The following MAP3K11 variants were observed in gnomAD, a reference collection of about 807,000 sequenced individuals.
MAP3K11 encodes mitogen-activated protein kinase kinase kinase 11.
Under a neutral mutation model 84.9 loss-of-function variants are expected in MAP3K11, and 46 were observed. The ratio of observed to expected loss-of-function variants is 0.54; its 90% CI spans 0.43 to 0.69. The LOEUF (loss-of-function observed/expected upper bound fraction) is 0.69. Ranked by LOEUF, MAP3K11 falls within the 30% of genes least tolerant of loss-of-function variation. MAP3K11 has a pLI of 0.00. For synonymous variants in MAP3K11, 527 were observed against 514.7 expected, an observed-to-expected ratio of 1.02 and a Z score of -0.32; for missense variants, 1,053 against 1,198.3, an observed-to-expected ratio of 0.88 and a Z score of 1.79.
intron 8 of MAP3K11, 96 bp downstream of exon 8, chr11:65,605,665 A>G (rs1009628293): frequency 2.4e-6 from 2 of 829,478 alleles, no homozygotes; most frequent in Non-Finnish European, 3.8e-6. Flanking sequence ...CAACCAGGGC[A>G]GGACTCCTGC....
Position 65,598,174 on chromosome 11 carries a change from G to C in MAP3K11, c.*117C>G. 3 of 863,826 alleles carry C rather than the reference G, an allele frequency of 3.5e-6. No individual in the cohort carries two copies. Among genetic ancestry groups the C allele is most frequent in the Non-Finnish European group, 4.9e-6 (3 of 617,266 alleles). 53.5% of individuals were successfully genotyped at this position (863,826 alleles called of 1,614,324 possible). ...AGTGTAGTGTTCCTGACCCCCAAAG[G>C]GGGGTGGGGTCCCTGGGGAAACTGA... On this transcript the variant is annotated 3_prime_UTR_variant, in exon 10 of 10. Coordinates refer to ENST00000309100, the MANE Select transcript of MAP3K11 (RefSeq NM_002419.4).
At chr11:65,609,561 G>T (rs1410991185) in intron 1 of MAP3K11, 1 of 152,242 alleles carries the variant, frequency 6.6e-6, no homozygotes, top group Non-Finnish European at 1.5e-5. Context: ...AATGAGAGAA[G>T]TTTTCGAGGA....
At chr11:65,606,645 A>T (rs943557540) in intron 6 of MAP3K11, 46 bp downstream of exon 6, 2 of 1,374,164 alleles carry the variant, frequency 1.5e-6, no homozygotes, top group African/African-American at 3.0e-5. Context: ...GACAGAGAAT[A>T]AGGAGCTGGG....
In MAP3K11 at chr11:65,605,239, T is replaced by C. The variant is rs1854494578; in HGVS notation, c.1831+522A>G. Among the ~76,000 whole-genome samples the C allele has an allele frequency of 2.0e-5, 3 of 152,098 alleles. No individual in the cohort carries two copies. The South Asian group carries it at 6.2e-4, about 32-fold the overall frequency. ...AGAACAGAAAGGCCCCGAGCTATCC[T>C]GGATGTGGTGAGAATGGGTCCTGGA... On this transcript the variant is annotated intron_variant, in intron 8 of 9. Coordinates refer to ENST00000309100, the MANE Select transcript of MAP3K11 (RefSeq NM_002419.4).
chr11:65,605,976 G>A lies in MAP3K11; in HGVS notation c.1709C>T (p.Ser570Phe), dbSNP rs758480097. 1.1e-5 allele frequency: 17 copies of A among 1,601,998 alleles called. No individual in the cohort carries two copies. In the East Asian group the frequency reaches 3.6e-4, roughly 34 times the overall value. ...RRACWAWGPS[S>F]PKPGEAQNGR... is the part of the protein sequence containing the mutation. ...ATTCTGGGCTTCCCCAGGCTTGGGGGAACTGGGACCCCAAGCCCAGCATGC... is the reference window on the plus strand; with the variant it reads ...ATTCTGGGCTTCCCCAGGCTTGGGGAAACTGGGACCCCAAGCCCAGCATGC... Residue 570 changes from serine to phenylalanine, a missense_variant, in exon 7 of 10, where the codon TCC becomes TTC. By Grantham distance (155) the Ser-to-Phe change is radical (BLOSUM62 -2). Around this residue, in one of 3 missense-constraint regions of MAP3K11, gnomAD observed 583 missense variants for 566.6 expected, o/e 1.03. Coordinates refer to ENST00000309100, the MANE Select transcript of MAP3K11 (RefSeq NM_002419.4).
chr11:65,603,330 T>G (rs950138036), intron 8 of MAP3K11, among the ~76,000 whole-genome samples: 16 of 152,242 alleles, frequency 1.1e-4, no homozygotes, highest in African/African-American at 3.6e-4. Flanking sequence ...TGACTATTCT[T>G]GACCCAAAGA....
At position 65,599,480 on chromosome 11, in the gene MAP3K11, G is replaced by A. The variant is rs760321394; in HGVS notation, c.2120C>T (p.Pro707Leu). Residue 707 changes from proline to leucine, a missense_variant, in exon 9 of 10, where the codon CCC becomes CTC. Physicochemically the swap from Pro to Leu is moderately conservative, Grantham distance 98. Transcript: ENST00000309100. ...CFSLKTPDSP[P>L]TPAPLLLDLG... ...GTCCAGCAACAGGGGTGCAGGAGTGGGCGGGGAGTCGGGCGTCTTGAGCGA... is the reference window on the plus strand; with the variant it reads ...GTCCAGCAACAGGGGTGCAGGAGTGAGCGGGGAGTCGGGCGTCTTGAGCGA... 1.3e-5 allele frequency: 20 copies of A among 1,505,144 alleles called. No individual in the cohort carries two copies. Among genetic ancestry groups the A allele is most frequent in the Non-Finnish European group, 1.5e-5 (17 of 1,134,042 alleles). The allele number at this position is 1,505,144 out of a possible 1,614,324, so 93.2% of individuals were successfully genotyped here.
At position 65,607,467 on chromosome 11, in the gene MAP3K11, T is replaced by G; in HGVS notation, c.1292A>C (p.Gln431Pro). The G allele has an allele frequency of 6.4e-7, 1 of 1,558,414 alleles. No individual in the cohort carries two copies. The highest frequency in any genetic ancestry group is 8.6e-7 in the Non-Finnish European group (1 of 1,161,358). ...EEELTRAARE[Q>P]RSQAEQLRRR... ...CCGCAGCTGCTCCGCCTGTGACCGC[T>G]GCTCGCGCGCCGCTCGCGTCAGCTC... is the stretch of plus-strand genomic sequence containing the variant. Residue 431 changes from glutamine (Q) to proline (P), a missense_variant, in exon 5 of 10, where the codon CAG becomes CCG. Transcript: ENST00000309100.
chr11:65,600,144 C>T (rs1300248842), intron 8 of MAP3K11, among the ~76,000 whole-genome samples: 3 of 152,326 alleles, frequency 2.0e-5, no homozygotes, highest in Non-Finnish European at 1.5e-5. Context: ...CTGGGACCGG[C>T]GCCCTGTGCT....
intron 8 of MAP3K11, among the ~76,000 whole-genome samples, chr11:65,602,720 G>A (rs965416389): frequency 2.6e-5 from 4 of 151,768 alleles, no homozygotes; most frequent in Non-Finnish European, 5.9e-5. Flanking sequence ...AGGGAGAATT[G>A]CTTGAACGTG....
intron 1 of MAP3K11, chr11:65,609,278 C>T (rs1454834669): frequency 1.3e-5 from 2 of 152,092 alleles, no homozygotes; most frequent in Non-Finnish European, 2.9e-5. Flanking sequence ...TACCACAGGC[C>T]CCTAGTGCCC....
At chr11:65,611,258 G>A (rs1036175454) in intron 1 of MAP3K11, 6 of 152,276 alleles carry the variant, frequency 3.9e-5, no homozygotes, top group African/African-American at 9.7e-5. Flanking sequence ...TCAGGCCCAG[G>A]CCGGGCTGGC....
In MAP3K11 at chr11:65,599,676, G is replaced by C; in HGVS notation, c.1924C>G (p.Gln642Glu). ...GSSSGTPKLI[Q>E]RALLRGTALL... Reference sequence around the variant, plus strand: ...GCGGTGCCGCGCAGCAGCGCCCGCTGGATCAGCTTGGGCGTCCCAGAGCTG... The same window carrying C: ...GCGGTGCCGCGCAGCAGCGCCCGCTCGATCAGCTTGGGCGTCCCAGAGCTG... Residue 642 changes from glutamine (Q) to glutamate (E), a missense_variant, in exon 9 of 10, where the codon CAG becomes GAG. Physicochemically the swap from Gln to Glu is conservative, Grantham distance 29. Transcript: ENST00000309100. The C allele has an allele frequency of 6.4e-7, 1 of 1,558,296 alleles. No individual in the cohort carries two copies.
In MAP3K11 at chr11:65,603,408, C is replaced by T. The variant is rs1854475574; in HGVS notation, c.1831+2353G>A. ...GAGGACACAGCCACGTAGTTATTGG[C>T]TCTAAGGCAACAAGCTTCACAGGGC... On this transcript the variant is annotated intron_variant, in intron 8 of 9. Coordinates refer to ENST00000309100, the MANE Select transcript of MAP3K11 (RefSeq NM_002419.4). Among the ~76,000 whole-genome samples the T allele has an allele frequency of 2.6e-5, 4 of 152,256 alleles. No homozygotes were observed. The South Asian group carries it at 8.3e-4, about 31-fold the overall frequency.
At position 65,606,590 on chromosome 11, in the gene MAP3K11, G is replaced by A. The variant is rs567936993; in HGVS notation, c.1603+101C>T. On this transcript the variant is annotated intron_variant, in intron 6 of 9. Transcript: ENST00000309100. ...AAGGCAGGGAGCCTGGGGGCGGGGA[G>A]GAAGAGGGGATAGTGAGTGGGCTCC... 24 of 833,080 alleles carry A rather than the reference G, an allele frequency of 2.9e-5. No individual in the cohort carries two copies. The Middle Eastern group carries it at 1.6e-3, about 56-fold the overall frequency. The allele number at this position is 833,080 out of a possible 1,614,324, so 51.6% of individuals were successfully genotyped here.
intron 1 of MAP3K11, 54 bp from the exon 2 acceptor site, chr11:65,608,502 G>A: frequency 6.4e-7 from 1 of 1,566,654 alleles, no homozygotes; most frequent in Non-Finnish European, 8.8e-7. Flanking sequence ...GTGGGGACAG[G>A]GTAAGAGCTG....
At position 65,606,714 on chromosome 11, in the gene MAP3K11, A is replaced by T. The variant is rs762343923; in HGVS notation, c.1580T>A (p.Phe527Tyr). 21 of 1,601,380 alleles carry T rather than the reference A, an allele frequency of 1.3e-5. No homozygotes were observed. Among genetic ancestry groups the T allele is most frequent in the Non-Finnish European group, 8.5e-7 (1 of 1,174,706 alleles). Residue 527 changes from phenylalanine (F) to tyrosine (Y), a missense_variant, in exon 6 of 10, where the codon TTT (phenylalanine) becomes TAT (tyrosine). Coordinates refer to ENST00000309100, the MANE Select transcript of MAP3K11 (RefSeq NM_002419.4). ...ACACTGGATGGCTCGGAACCGGGGA[A>T]AGGTGGGCGAATCCCCAGGCCCGAC... ...FEVGPGDSPT[F>Y]PRFRAIQLEP...
intron 8 of MAP3K11, among the ~76,000 whole-genome samples, chr11:65,603,871 T>C (rs1324852308): frequency 6.6e-6 from 1 of 152,266 alleles, no homozygotes; most frequent in Non-Finnish European, 1.5e-5. Context: ...ACCTCAGACA[T>C]GTGGCCTTCT....
rs769028417 is a variant in MAP3K11, at chr11:65,599,565, G to C, written c.2035C>G (p.Pro679Ala). Residue 679 changes from proline to alanine, a missense_variant, in exon 9 of 10, where the codon CCC becomes GCC. By Grantham distance (27) the Pro-to-Ala change is conservative (BLOSUM62 -1). Coordinates refer to ENST00000309100, the MANE Select transcript of MAP3K11 (RefSeq NM_002419.4). Reference protein sequence around the residue: ...RERGESPTTPPTPTPAPCPTE... With the variant: ...RERGESPTTPATPTPAPCPTE... ...GGGCAGGGCGCGGGCGTTGGCGTGG[G>C]GGGTGTTGTCGGGGACTCCCCGCGC... 1 of 1,502,522 alleles carries C rather than the reference G, an allele frequency of 6.7e-7. No homozygotes were observed. The highest frequency in any genetic ancestry group is 8.8e-7 in the Non-Finnish European group (1 of 1,134,582). The allele number at this position is 1,502,522 out of a possible 1,614,324, so 93.1% of individuals were successfully genotyped here.
Sources: gnomAD v4.1 joint callset for allele counts (sites outside exome capture counted in the v4.1 genomes callset) on GRCh38, gnomAD v4.1.1 for gene constraint, gnomAD v4.1.1 regional missense constraint, MANE v1.5 for transcripts, NCBI Gene and HGNC (gene_info 2026-07-23, HGNC 2026-07-21) for gene names.